Variants in MYO18B observed in about 807,000 individuals in gnomAD.
The protein encoded by MYO18B is unconventional myosin-XVIIIb.
In MYO18B, 204 loss-of-function variants were observed where a neutral mutation model predicts 273.0. That is an observed-to-expected ratio of 0.75 (90% CI 0.67 to 0.84). The LOEUF is 0.84. Ranked by LOEUF, MYO18B falls within the 40% of genes least tolerant of loss-of-function variation. The pLI is 0.00. For synonymous variants in MYO18B, 1,330 were observed against 1,305.7 expected (o/e 1.02, Z -0.40); for missense variants, 3,212 against 3,287.6 (o/e 0.98, Z 0.56).
At position 25,907,981 on chromosome 22, in the gene MYO18B, C is replaced by T. The variant is rs71321070; in HGVS notation, c.5149-341C>T. Among the ~76,000 whole-genome samples the T allele has an allele frequency of 0.048, 7,049 of 147,076 alleles. 369 individuals are homozygous for T. The highest frequency in any genetic ancestry group is 0.13 in the African/African-American group (5,117 of 39,996). Reference sequence around the variant, plus strand: ...CCAGGAGGTGGAGGTTGTGGTGAGCCGAGATTGCGCCGTGGCACTCCAGCC... The same window carrying T: ...CCAGGAGGTGGAGGTTGTGGTGAGCTGAGATTGCGCCGTGGCACTCCAGCC... On this transcript the variant is annotated intron_variant, in intron 31 of 43. Coordinates refer to ENST00000335473, the MANE Select transcript of MYO18B (RefSeq NM_032608.7).
chr22:25,845,031 C>G (rs2090192945), intron 18 of MYO18B, among the ~76,000 whole-genome samples: 1 of 152,154 alleles, frequency 6.6e-6, no homozygotes, highest in East Asian at 2.0e-4. Context: ...CCGTTTTTCC[C>G]TCTTTTAAGC....
intron 33 of MYO18B, among the ~76,000 whole-genome samples, chr22:25,919,447 C>G (rs936021386): frequency 1.3e-5 from 2 of 152,104 alleles, no homozygotes; most frequent in African/African-American, 4.8e-5. Flanking sequence ...TACTATACAC[C>G]TCATTGATTC....
intron 25 of MYO18B, among the ~76,000 whole-genome samples, chr22:25,885,554 T>G (rs2091471937): frequency 6.6e-6 from 1 of 151,812 alleles, no homozygotes; most frequent in Non-Finnish European, 1.5e-5. Flanking sequence ...GTGTCTTGTA[T>G]GGGGATGTGT....
intron 1 of MYO18B, among the ~76,000 whole-genome samples, chr22:25,760,412 A>AG (rs2086267984): frequency 5.1e-5 from 1 of 19,776 alleles, no homozygotes; most frequent in Non-Finnish European, 2.3e-4. Flanking sequence ...ACTCCATCTC[A>AG]AAAAAAAAAA....
chr22:25,924,491 T>C (rs1248077241), intron 34 of MYO18B, among the ~76,000 whole-genome samples: 1 of 152,146 alleles, frequency 6.6e-6, no homozygotes, highest in Non-Finnish European at 1.5e-5. Context: ...ATGATACGAA[T>C]AAATAGAATC....
At chr22:25,937,058 GA>G (rs1242237451) in intron 34 of MYO18B, among the ~76,000 whole-genome samples, 1 of 150,806 alleles carries the variant, frequency 6.6e-6, no homozygotes, top group Non-Finnish European at 1.5e-5. Context: ...TTACTTTGAA[GA>G]AGATAGAAAA....
chr22:25,903,928 C>G (rs569980043), intron 31 of MYO18B, 97 bp downstream of exon 31: 211 of 1,321,018 alleles, frequency 1.6e-4, no homozygotes, highest in Non-Finnish European at 2.1e-4. Flanking sequence ...TTGGCTGCTC[C>G]TCATCCTTCA....
chr22:25,985,651 A>G (rs2093194093), intron 39 of MYO18B, among the ~76,000 whole-genome samples: 2 of 130,736 alleles, frequency 1.5e-5, no homozygotes, highest in Non-Finnish European at 3.4e-5. Context: ...TTTTTTTGAG[A>G]TGGAGTCTCG....
intron 21 of MYO18B, among the ~76,000 whole-genome samples, chr22:25,860,213 CTCTT>C (rs1488821200): frequency 6.6e-6 from 1 of 152,168 alleles, no homozygotes; most frequent in Non-Finnish European, 1.5e-5. Context: ...TTAGTAGCAT[CTCTT>C]TCTTTCTGCC....
intron 18 of MYO18B, among the ~76,000 whole-genome samples, chr22:25,844,298 G>A (rs2146000745): frequency 6.6e-6 from 1 of 152,332 alleles, no homozygotes; most frequent in Middle Eastern, 3.4e-3. Context: ...TGGCTGCTCA[G>A]CCCAGAGTGC....
At chr22:25,769,599 C>A (rs1481203257) in intron 4 of MYO18B, among the ~76,000 whole-genome samples, 171 bp downstream of exon 4, 1 of 152,158 alleles carries the variant, frequency 6.6e-6, no homozygotes, top group Admixed American at 6.5e-5. Flanking sequence ...ACGAGCACTT[C>A]CTCCATGAGC....
intron 39 of MYO18B, among the ~76,000 whole-genome samples, chr22:25,967,730 C>T (rs1024301831): frequency 1.3e-5 from 2 of 152,270 alleles, no homozygotes; most frequent in South Asian, 2.1e-4. Flanking sequence ...TTTATTGGCT[C>T]ATGTAATGAA....
intron 12 of MYO18B, among the ~76,000 whole-genome samples, chr22:25,815,111 A>T (rs894738132): frequency 6.6e-6 from 1 of 152,246 alleles, no homozygotes; most frequent in South Asian, 2.1e-4. Flanking sequence ...CATGGTGAGT[A>T]CTCAGAAAAT....
chr22:26,054,405 C>T, the MYO18B span, among the ~76,000 whole-genome samples: 1 of 152,254 alleles, frequency 6.6e-6, no homozygotes, highest in African/African-American at 2.4e-5. Flanking sequence ...AGCCCCATGC[C>T]AGAGATGTAC....
At chr22:26,051,008 G>C in the MYO18B span, among the ~76,000 whole-genome samples, 1 of 152,114 alleles carries the variant, frequency 6.6e-6, no homozygotes, top group Admixed American at 6.6e-5. Context: ...CTGAGAGAGA[G>C]GGAGATAAAG....
chr22:25,987,034 G>A (rs1349759496), intron 39 of MYO18B, among the ~76,000 whole-genome samples: 1 of 152,096 alleles, frequency 6.6e-6, no homozygotes, highest in Non-Finnish European at 1.5e-5. Flanking sequence ...AAAGTGTTTC[G>A]AGATAGTCTG....
chr22:25,978,826 C>T (rs947627486), intron 39 of MYO18B, among the ~76,000 whole-genome samples: 1 of 152,000 alleles, frequency 6.6e-6, no homozygotes, highest in Non-Finnish European at 1.5e-5. Flanking sequence ...TGGTGGTGGG[C>T]GCCTATTGTC....
At chr22:26,032,565 A>G (rs1213442056), downstream of MYO18B, among the ~76,000 whole-genome samples, 2 of 126,562 alleles carry the variant, frequency 1.6e-5, no homozygotes, top group Non-Finnish European at 3.1e-5. Context: ...CTTGTGGCCC[A>G]GGCTGGAGTG....
At chr22:25,876,077 G>T in intron 23 of MYO18B, 112 bp from the exon 24 acceptor site, 1 of 964,410 alleles carries the variant, frequency 1.0e-6, no homozygotes, top group Non-Finnish European at 1.5e-6. Flanking sequence ...CCCTTCCACC[G>T]GGAAATAACC....
Sources: gnomAD v4.1 joint callset for allele counts (sites outside exome capture counted in the v4.1 genomes callset) on GRCh38, gnomAD v4.1.1 for gene constraint, MANE v1.5 for transcripts, NCBI Gene and HGNC (gene_info 2026-07-23, HGNC 2026-07-21) for gene names.